The following FBXO5 variants were observed in gnomAD, a reference collection of about 807,000 sequenced individuals.
FBXO5 encodes the protein F-box only protein 5.
A neutral mutation model predicts 43.3 loss-of-function variants in FBXO5; 8 were observed. The ratio of observed to expected loss-of-function variants is 0.18; its 90% CI spans 0.11 to 0.33. The LOEUF (loss-of-function observed/expected upper bound fraction) is 0.33. Among genes scored for constraint, FBXO5 ranks in the 10% least tolerant of loss-of-function variants. FBXO5 has a pLI of 1.00. For synonymous variants in FBXO5, 204 were observed against 193.7 expected (o/e 1.05, Z -0.44); for missense variants, 491 against 535.7 (o/e 0.92, Z 0.82).
At chr6:152,982,066 T>C (rs1290252558) in intron 1 of FBXO5, among the ~76,000 whole-genome samples, 3 of 152,224 alleles carry the variant, frequency 2.0e-5, no homozygotes, top group Admixed American at 2.0e-4. Context: ...TAGTAAAAAT[T>C]GCTTTTTTTA....
At chr6:152,974,429 C>T (rs1038280317) in intron 2 of FBXO5, among the ~76,000 whole-genome samples, 1 of 152,028 alleles carries the variant, frequency 6.6e-6, no homozygotes, top group African/African-American at 2.4e-5. Flanking sequence ...AATTTCAAAA[C>T]TAAAAGGAAC....
rs368040414 is a variant in FBXO5 at position 152,972,308 on chromosome 6, T to C, written c.1056A>G (p.Lys352=). Residue 352 remains lysine (K), a synonymous_variant, in exon 4 of 5, where the codon AAA becomes AAG. Coordinates refer to ENST00000229758, the MANE Select transcript of FBXO5 (RefSeq NM_012177.5). ...CATTGTGTCGACTATAAGTAGAACC[T>C]TTCTGATCACCTTGATTGGATAACT... The part of the protein sequence containing the change: ...QTKLSNQGDQ[K]GSTYSRHNEF... The C allele has an allele frequency of 1.9e-6, 3 of 1,612,710 alleles. No homozygotes were observed. The highest frequency in any genetic ancestry group is 1.1e-5 in the South Asian group (1 of 90,902).
Position 152,975,120 on chromosome 6 carries a change from C to G in FBXO5, c.605G>C (p.Cys202Ser), listed in dbSNP as rs371150309. 1.8e-5 allele frequency: 29 copies of G among 1,614,118 alleles called. No individual in the cohort carries two copies. Among genetic ancestry groups the G allele is most frequent in the Non-Finnish European group, 2.5e-6 (3 of 1,180,012 alleles). Residue 202 changes from cysteine to serine, a missense_variant, in exon 2 of 5, where the codon TGT becomes TCT. By Grantham distance (112) the Cys-to-Ser change is moderately radical. Transcript: ENST00000229758. Reference protein sequence around the residue: ...LPVLHFEKVVCSTLKKNAKRN... With the variant: ...LPVLHFEKVVSSTLKKNAKRN... ...TTTTGCATTCTTTTTTAATGTTGAA[C>G]AAACCACTTTTTCAAAATGAAGAAC... is the stretch of plus-strand genomic sequence containing the variant.
chr6:152,982,332 G>A (rs1055184847), intron 1 of FBXO5, among the ~76,000 whole-genome samples: 15 of 152,072 alleles, frequency 9.9e-5, no homozygotes, highest in African/African-American at 3.4e-4. Context: ...GCGCCCGCCA[G>A]CAAGGCTGGG....
chr6:152,975,686 T>C lies in FBXO5; in HGVS notation c.104-65A>G, dbSNP rs564417856. The C allele has an allele frequency of 1.5e-4, 151 of 1,015,754 alleles. No homozygotes were observed. The African/African-American group carries it at 2.2e-3, about 15-fold the overall frequency. 62.9% of individuals were successfully genotyped at this position (1,015,754 alleles called of 1,614,324 possible). On this transcript the variant is annotated intron_variant, in intron 1 of 4. Coordinates refer to ENST00000229758, the MANE Select transcript of FBXO5 (RefSeq NM_012177.5). ...TTTCCACACATCCCTACTTCTTAAA[T>C]TGGGATATACAAAGATTACTTTGCA...
chr6:152,980,452 G>A (rs1047284682), intron 1 of FBXO5, among the ~76,000 whole-genome samples: 9 of 152,182 alleles, frequency 5.9e-5, no homozygotes, highest in Non-Finnish European at 1.3e-4. Flanking sequence ...TGAGTTGGGG[G>A]AGGTTATTGA....
Position 152,973,136 on chromosome 6 carries a change from A to G in FBXO5, c.819T>C (p.Asn273=). The G allele has an allele frequency of 6.2e-7, 1 of 1,610,826 alleles. No individual in the cohort carries two copies. Among genetic ancestry groups the G allele is most frequent in the Non-Finnish European group, 8.5e-7 (1 of 1,177,216 alleles). The change falls in exon 3 of 5, where the codon AAT becomes AAC. Residue 273 remains asparagine, a splice_region_variant and synonymous_variant. Coordinates refer to ENST00000229758, the MANE Select transcript of FBXO5 (RefSeq NM_012177.5). ...LAQLSDMDLI[N]VSKVSTTWKK... is the part of the protein sequence containing the mutation. ...TCCAAGTTGTGCTCACTTTAGACAC[A>G]CTGGAAAAGTAAATCACCATAAATG...
chr6:152,980,104 A>T (rs1444892773), intron 1 of FBXO5, among the ~76,000 whole-genome samples: 1 of 152,232 alleles, frequency 6.6e-6, no homozygotes, highest in Non-Finnish European at 1.5e-5. Context: ...TAACTAGCTA[A>T]GTGTTTTCCA....
Position 152,975,186 on chromosome 6 carries a change from A to G in FBXO5, c.539T>C (p.Ile180Thr), listed in dbSNP as rs763517749. ...GDSLQSCLLQ[I>T]QSPDQYPNKN... ...GTTGGGATATTGGTCTGGGCTTTGT[A>G]TTTGTAGCAGGCAGGATTGTAGACT... The change falls in exon 2 of 5, where the codon ATA (isoleucine) becomes ACA (threonine). Residue 180 changes from isoleucine to threonine, a missense_variant. Coordinates refer to ENST00000229758, the MANE Select transcript of FBXO5 (RefSeq NM_012177.5). 2.5e-6 allele frequency: 4 copies of G among 1,614,184 alleles called. No homozygotes were observed. Among genetic ancestry groups the G allele is most frequent in the Non-Finnish European group, 8.5e-7 (1 of 1,180,024 alleles).
At chr6:152,983,206 C>G (rs953355733), upstream of FBXO5, 2 of 382,330 alleles carry the variant, frequency 5.2e-6, no homozygotes, top group Non-Finnish European at 9.3e-6. Flanking sequence ...GGGGCCGAGC[C>G]GCGAAGCCCA....
At chr6:152,982,200 T>G (rs1035479604) in intron 1 of FBXO5, among the ~76,000 whole-genome samples, 12 of 151,830 alleles carry the variant, frequency 7.9e-5, no homozygotes, top group African/African-American at 2.7e-4. Flanking sequence ...GTTGGGGGGG[T>G]GTCTCTCCAT....
chr6:152,975,607 T>C lies in FBXO5; in HGVS notation c.118A>G (p.Ser40Gly), dbSNP rs981038028. The C allele has an allele frequency of 2.5e-6, 4 of 1,596,194 alleles. No individual in the cohort carries two copies. In the African/African-American group the frequency reaches 4.0e-5, roughly 16 times the overall value. ...PRPSDSCKEE[S>G]STLSVKMKCD... ...TTCATTTTGACAGAAAGGGTAGAAC[T>C]TTCTTCTTTACAACCTATAAAAAGA... The change falls in exon 2 of 5, where the codon AGT (serine) becomes GGT (glycine). Residue 40 changes from serine to glycine, a missense_variant. By Grantham distance (56) the Ser-to-Gly change is moderately conservative (BLOSUM62 0). Transcript: ENST00000229758.
chr6:152,983,005 G>T lies in FBXO5; in HGVS notation c.-46C>A. On this transcript the variant is annotated 5_prime_UTR_variant, in exon 1 of 5. Coordinates refer to ENST00000229758, the MANE Select transcript of FBXO5 (RefSeq NM_012177.5). The stretch of plus-strand genomic sequence containing the variant: ...CCTCAGGTGGAGGAACCGCTCCGGG[G>T]GCAGCTGAGCAACCTGCCTGCTTCA... The T allele has an allele frequency of 1.6e-6, 2 of 1,222,362 alleles. No homozygotes were observed. Among genetic ancestry groups the T allele is most frequent in the African/African-American group, 1.6e-5 (1 of 62,810 alleles). 75.7% of individuals were successfully genotyped at this position (1,222,362 alleles called of 1,614,324 possible).
chr6:152,978,403 T>C, intron 1 of FBXO5, among the ~76,000 whole-genome samples: 2 of 119,450 alleles, frequency 1.7e-5, no homozygotes, highest in Non-Finnish European at 3.3e-5. Context: ...GCGGGGGACT[T>C]CTCAGACCTC....
At chr6:152,979,392 A>G (rs530392733) in intron 1 of FBXO5, among the ~76,000 whole-genome samples, 1 of 152,184 alleles carries the variant, frequency 6.6e-6, no homozygotes, top group Non-Finnish European at 1.5e-5. Flanking sequence ...TCTCAGCCTT[A>G]GTCTGGGGCT....
chr6:152,976,654 G>A (rs1273717077), intron 1 of FBXO5, among the ~76,000 whole-genome samples: 1 of 152,188 alleles, frequency 6.6e-6, no homozygotes, highest in Non-Finnish European at 1.5e-5. Flanking sequence ...CTGTTCAATT[G>A]CTTTAAATAA....
chr6:152,983,298 G>A (rs1027610587), upstream of FBXO5: 1 of 251,568 alleles, frequency 4.0e-6, no homozygotes, highest in Non-Finnish European at 7.6e-6. Flanking sequence ...GGGAGGCCGC[G>A]GCCCGGCCAC....
In FBXO5 at chr6:152,983,041, T is replaced by A. The variant is rs915569348; in HGVS notation, c.-82A>T. ...AACCTGCCTGCTTCACAGACCTGTA[T>A]CTCTTAAAAGGCGCCAGCTGGTACT... is the stretch of plus-strand genomic sequence containing the variant. On this transcript the variant is annotated 5_prime_UTR_variant, in exon 1 of 5. Transcript: ENST00000229758. The A allele has an allele frequency of 1.2e-6, 1 of 825,786 alleles. No homozygotes were observed. The highest frequency in any genetic ancestry group is 1.8e-5 in the African/African-American group (1 of 55,460). 51.2% of individuals were successfully genotyped at this position (825,786 alleles called of 1,614,324 possible). A position where few individuals can be genotyped will look rare whatever the true frequency, so the allele number is the denominator to read the frequency against.
At chr6:152,974,206 CAAAA>C (rs74642777) in intron 2 of FBXO5, among the ~76,000 whole-genome samples, 1 of 128,822 alleles carries the variant, frequency 7.8e-6, no homozygotes, top group African/African-American at 2.8e-5. Flanking sequence ...AACCCTGTCT[CAAAA>C]AAAAAAAAAA....
Sources: allele counts gnomAD v4.1 joint callset (sites outside exome capture counted in the v4.1 genomes callset), GRCh38; gene constraint gnomAD v4.1.1; transcripts MANE v1.5; gene names NCBI Gene and HGNC (gene_info 2026-07-23, HGNC 2026-07-21).